The following ITSN2 variants were observed in gnomAD, a reference collection of about 807,000 sequenced individuals.
ITSN2 encodes intersectin 2, also known as intersectin-2.
Under a neutral mutation model 243.7 loss-of-function variants are expected in ITSN2, and 156 were observed. The ratio of observed to expected loss-of-function variants is 0.64; its 90% CI spans 0.56 to 0.73. ITSN2 has a LOEUF of 0.73. Among genes scored for constraint, ITSN2 ranks in the 30% least tolerant of loss-of-function variants. The pLI, the probability that ITSN2 is intolerant of heterozygous loss-of-function variation, is 0.00. For missense variants in ITSN2, 1,801 were observed against 1,996.1 expected, an observed-to-expected ratio of 0.90 and a Z score of 1.86; for synonymous variants, 703 against 699.9, an observed-to-expected ratio of 1.00 and a Z score of -0.07.
chr2:24,354,925 T>C (rs1049510982), intron 1 of ITSN2, among the ~76,000 whole-genome samples: 5 of 152,240 alleles, frequency 3.3e-5, no homozygotes, highest in Admixed American at 6.5e-5. Context: ...AATGTCCTGA[T>C]GTATCTATGA....
At chr2:24,283,053 C>T (rs1679015986) in intron 17 of ITSN2, among the ~76,000 whole-genome samples, 1 of 151,692 alleles carries the variant, frequency 6.6e-6, no homozygotes, top group African/African-American at 2.4e-5. Flanking sequence ...CTTTGACCCC[C>T]ATGCTTTTTT....
intron 29 of ITSN2, among the ~76,000 whole-genome samples, chr2:24,221,898 G>C (rs1670477287): frequency 6.6e-6 from 1 of 152,190 alleles, no homozygotes; most frequent in Non-Finnish European, 1.5e-5. Context: ...GTAGCTGAGG[G>C]CTTGCCTATA....
intron 8 of ITSN2, among the ~76,000 whole-genome samples, chr2:24,306,742 C>T (rs12988642): frequency 0.016 from 2,509 of 152,208 alleles, 32 homozygotes; most frequent in Non-Finnish European, 0.024. Flanking sequence ...CTCAAGCAAT[C>T]CTCTTGCCAC....
At chr2:24,313,770 T>G (rs1315802611) in intron 3 of ITSN2, among the ~76,000 whole-genome samples, 1 of 152,224 alleles carries the variant, frequency 6.6e-6, no homozygotes, top group African/African-American at 2.4e-5. Flanking sequence ...TCATCTCAGT[T>G]TTTCCACAAT....
chr2:24,315,252 T>C (rs747808246), intron 2 of ITSN2, 28 bp from the exon 3 acceptor site: 6 of 1,262,374 alleles, frequency 4.8e-6, no homozygotes, highest in South Asian at 1.3e-5. Flanking sequence ...GAAACTATAG[T>C]GTATACATGA....
chr2:24,212,601 G>A (rs544403177), intron 33 of ITSN2, 49 bp downstream of exon 33: 1 of 1,456,010 alleles, frequency 6.9e-7, no homozygotes, highest in Non-Finnish European at 9.4e-7. Context: ...GTGGACCTCA[G>A]CGCATCCTGC....
At chr2:24,243,618 C>T (rs1287885446) in intron 29 of ITSN2, among the ~76,000 whole-genome samples, 2 of 152,138 alleles carry the variant, frequency 1.3e-5, no homozygotes, top group Admixed American at 1.3e-4. Flanking sequence ...AGGGATATGC[C>T]ACCACACTCA....
chr2:24,347,451 C>T (rs182793696), intron 1 of ITSN2, among the ~76,000 whole-genome samples: 1 of 152,254 alleles, frequency 6.6e-6, no homozygotes, highest in African/African-American at 2.4e-5. Context: ...CTTTGGGAGG[C>T]TGAAGCAGGT....
intron 29 of ITSN2, among the ~76,000 whole-genome samples, chr2:24,222,048 C>A (rs139360094): frequency 1.3e-5 from 2 of 151,974 alleles, no homozygotes; most frequent in African/African-American, 4.8e-5. Flanking sequence ...GTCAGGAGAT[C>A]GAGACCATCC....
In ITSN2 at chr2:24,322,365, T is replaced by C. The variant is rs563770687; in HGVS notation, c.31+5687A>G. ...AATTGGTAAGTGTTGAAGGCAAGACTAGCGTCTACTCAGGCTTAATTAAGA... is the reference window on the plus strand; with the variant it reads ...AATTGGTAAGTGTTGAAGGCAAGACCAGCGTCTACTCAGGCTTAATTAAGA... On this transcript the variant is annotated intron_variant, in intron 2 of 39. Transcript: ENST00000355123. Among the ~76,000 whole-genome samples, 3 of 152,304 alleles carry C rather than the reference T, an allele frequency of 2.0e-5. No homozygotes were observed. The East Asian group carries it at 5.8e-4, about 29-fold the overall frequency.
chr2:24,234,584 T>C (rs1443213120), intron 29 of ITSN2, among the ~76,000 whole-genome samples: 1 of 152,114 alleles, frequency 6.6e-6, no homozygotes, highest in African/African-American at 2.4e-5. Context: ...GAAAAAAAAT[T>C]TGCAAAAGAC....
rs550955671 is a variant in ITSN2 at position 24,294,629 on chromosome 2, A to G, written c.1636-854T>C. On this transcript the variant is annotated intron_variant, in intron 14 of 39. Transcript: ENST00000355123. ...TAATTATTGAACCAGACCCTACTGC[A>G]CAAGTAAGGAAGAGAATTACCAGGA... is the stretch of plus-strand genomic sequence containing the variant. Among the ~76,000 whole-genome samples the G allele has an allele frequency of 2.0e-5, 3 of 152,304 alleles. No individual in the cohort carries two copies. In the East Asian group the frequency reaches 5.8e-4, roughly 29 times the overall value.
At chr2:24,323,819 A>C (rs1684851462) in intron 2 of ITSN2, among the ~76,000 whole-genome samples, 1 of 152,242 alleles carries the variant, frequency 6.6e-6, no homozygotes, top group Non-Finnish European at 1.5e-5. Context: ...CCCAGGGAAC[A>C]ATATAATTAA....
chr2:24,210,114 G>A, intron 34 of ITSN2, 81 bp from the exon 35 acceptor site: 1 of 990,864 alleles, frequency 1.0e-6, no homozygotes, highest in South Asian at 1.4e-5. Flanking sequence ...CCCTGGGCCT[G>A]AGGATACTGT....
At chr2:24,259,660 G>A (rs536136766) in intron 22 of ITSN2, among the ~76,000 whole-genome samples, 11 of 152,150 alleles carry the variant, frequency 7.2e-5, no homozygotes, top group Middle Eastern at 3.4e-3. Context: ...AACATGCCTT[G>A]GTGACTTTCC....
At chr2:24,220,915 C>A in intron 30 of ITSN2, 30 bp downstream of exon 30, 1 of 1,578,358 alleles carries the variant, frequency 6.3e-7, no homozygotes, top group South Asian at 1.2e-5. Context: ...AGCAGATACC[C>A]CGAGAGCTAG....
intron 20 of ITSN2, among the ~76,000 whole-genome samples, chr2:24,269,915 A>G (rs1486925438): frequency 6.6e-6 from 1 of 152,192 alleles, no homozygotes; most frequent in African/African-American, 2.4e-5. Context: ...GCTCGGGCAC[A>G]GCTCCGGTAC....
At chr2:24,349,090 G>C (rs1036248740) in intron 1 of ITSN2, among the ~76,000 whole-genome samples, 4 of 152,070 alleles carry the variant, frequency 2.6e-5, no homozygotes, top group African/African-American at 9.7e-5. Flanking sequence ...AACATAGTGA[G>C]ATTCTGTCTC....
chr2:24,312,816 T>C (rs1683416531), intron 4 of ITSN2, among the ~76,000 whole-genome samples: 1 of 152,154 alleles, frequency 6.6e-6, no homozygotes, highest in Non-Finnish European at 1.5e-5. Flanking sequence ...ACAGATATTA[T>C]AGAGAATAGT....
Sources: gnomAD v4.1 joint callset for allele counts (sites outside exome capture counted in the v4.1 genomes callset) on GRCh38, gnomAD v4.1.1 for gene constraint, MANE v1.5 for transcripts, NCBI Gene and HGNC (gene_info 2026-07-23, HGNC 2026-07-21) for gene names.